The following SEPTIN10 variants were observed in gnomAD, a reference collection of about 807,000 sequenced individuals.
SEPTIN10 encodes septin-10.
SEPTIN10 carries 66 observed loss-of-function variants against 54.8 expected under a neutral mutation model. The ratio of observed to expected loss-of-function variants is 1.21; its 90% CI spans 0.99 to 1.48. SEPTIN10 has a LOEUF of 1.48. SEPTIN10 is among the 40% of genes most tolerant of loss of function. The pLI, the probability that SEPTIN10 is intolerant of heterozygous loss-of-function variation, is 0.00. For synonymous variants in SEPTIN10, 161 were observed against 181.0 expected, an observed-to-expected ratio of 0.89 and a Z score of 0.89; for missense variants, 620 against 545.6, an observed-to-expected ratio of 1.14 and a Z score of -1.36.
intron 10 of SEPTIN10, chr2:109,545,846 T>G: frequency 7.0e-7 from 1 of 1,437,748 alleles, no homozygotes; most frequent in Non-Finnish European, 9.1e-7. Context: ...ACTGAACACA[T>G]AACATGTGCC....
At chr2:109,610,169 A>C (rs1289791221) in intron 1 of SEPTIN10, among the ~76,000 whole-genome samples, 4 of 151,552 alleles carry the variant, frequency 2.6e-5, no homozygotes, top group African/African-American at 9.7e-5. Context: ...GCTTACTGCA[A>C]CCTCCACCTC....
intron 2 of SEPTIN10, among the ~76,000 whole-genome samples, chr2:109,589,290 T>C (rs975576318): frequency 6.6e-6 from 1 of 152,072 alleles, no homozygotes; most frequent in South Asian, 2.1e-4. Flanking sequence ...CTCAGCACTT[T>C]AGGAGGCCAA....
chr2:109,574,681 T>C lies in SEPTIN10; in HGVS notation c.500A>G (p.Tyr167Cys), dbSNP rs774411951. The C allele has an allele frequency of 6.0e-5, 96 of 1,610,146 alleles. 1 individual carries two copies. The highest frequency in any genetic ancestry group is 7.0e-5 in the Non-Finnish European group (82 of 1,178,240). The change falls in exon 5 of 11, where the codon TAC (tyrosine) becomes TGC (cysteine). Residue 167 changes from tyrosine (Y) to cysteine (C), a missense_variant. By Grantham distance (194) the Tyr-to-Cys change is radical. Coordinates refer to ENST00000397712, the MANE Select transcript of SEPTIN10 (RefSeq NM_144710.5). The part of the protein sequence containing the change: ...ELKIKRSLFT[Y>C]HDSRIHVCLY... The stretch of plus-strand genomic sequence containing the variant: ...ACACACATGGATGCGAGAATCATGG[T>C]AGGTAAAGAGAGAACGCTTAATCTT...
chr2:109,567,687 T>C (rs1340691792), intron 6 of SEPTIN10, 128 bp downstream of exon 6: 3 of 964,284 alleles, frequency 3.1e-6, no homozygotes, highest in Non-Finnish European at 2.9e-6. Context: ...CTGGACTTTT[T>C]GAAAATTCAC....
chr2:109,611,191 A>G (rs1699180745), intron 1 of SEPTIN10, among the ~76,000 whole-genome samples: 1 of 152,214 alleles, frequency 6.6e-6, no homozygotes, highest in African/African-American at 2.4e-5. Context: ...TTAACTCAAA[A>G]TGGGTCATAA....
intron 4 of SEPTIN10, among the ~76,000 whole-genome samples, chr2:109,579,385 CT>C (rs150577425): frequency 3.7e-3 from 521 of 139,256 alleles, no homozygotes; most frequent in African/African-American, 6.0e-3. Context: ...CCAGGCCCTC[CT>C]TTTTTTTTTT....
At chr2:109,587,004 A>C (rs1692723397) in intron 2 of SEPTIN10, among the ~76,000 whole-genome samples, 2 of 152,236 alleles carry the variant, frequency 1.3e-5, no homozygotes, top group African/African-American at 4.8e-5. Context: ...ACAGGAAAAA[A>C]ACAGAAAAAT....
Position 109,613,960 on chromosome 2 carries a change from G to A in SEPTIN10, c.-133C>T, listed in dbSNP as rs965521450. 3.0e-5 allele frequency: 36 copies of A among 1,208,462 alleles called. No individual in the cohort carries two copies. The highest frequency in any genetic ancestry group is 7.9e-5 in the African/African-American group (5 of 63,270). 74.9% of individuals were successfully genotyped at this position (1,208,462 alleles called of 1,614,324 possible). ...CGAGGCTAGGCTGCCTCCGCGACGG[G>A]GAAGGGACAGGGGCGGGGCCGAGCT... On this transcript the variant is annotated 5_prime_UTR_variant, in exon 1 of 11. Transcript: ENST00000397712.
chr2:109,579,846 C>T (rs925575537), intron 4 of SEPTIN10, among the ~76,000 whole-genome samples: 8 of 151,854 alleles, frequency 5.3e-5, no homozygotes, highest in African/African-American at 1.9e-4. Flanking sequence ...AAAGGCCAGG[C>T]GCAGTGGCTC....
chr2:109,584,565 A>G (rs767312590), intron 4 of SEPTIN10, among the ~76,000 whole-genome samples: 4 of 151,934 alleles, frequency 2.6e-5, no homozygotes, highest in Admixed American at 6.6e-5. Context: ...TCCCCCTTTC[A>G]TAGTTTAAAT....
chr2:109,593,166 C>T, intron 1 of SEPTIN10, 47 bp from the exon 2 acceptor site: 1 of 1,258,068 alleles, frequency 7.9e-7, no homozygotes, highest in Non-Finnish European at 1.1e-6. Flanking sequence ...AACATTACTC[C>T]CCAAACCCCA....
Position 109,574,704 on chromosome 2 carries a change from C to G in SEPTIN10, c.477G>C (p.Lys159Asn). 6.2e-7 allele frequency: 1 copy of G among 1,606,998 alleles called. No individual in the cohort carries two copies. Among genetic ancestry groups the G allele is most frequent in the Non-Finnish European group, 8.5e-7 (1 of 1,176,740 alleles). Residue 159 changes from lysine (K) to asparagine (N), a missense_variant, in exon 5 of 11, where the codon AAG becomes AAC. Coordinates refer to ENST00000397712, the MANE Select transcript of SEPTIN10 (RefSeq NM_144710.5). The stretch of plus-strand genomic sequence containing the variant: ...GGTAGGTAAAGAGAGAACGCTTAAT[C>G]TTCAGTTCTTCTTGGAGATAGGCCT... Reference protein sequence around the residue: ...QFEAYLQEELKIKRSLFTYHD... With the variant: ...QFEAYLQEELNIKRSLFTYHD...
At chr2:109,561,991 C>A (rs896779139) in intron 8 of SEPTIN10, among the ~76,000 whole-genome samples, 5 of 133,756 alleles carry the variant, frequency 3.7e-5, no homozygotes, top group African/African-American at 1.3e-4. Context: ...GAATTCCTGA[C>A]CCCAAGGCCA....
At chr2:109,573,498 A>G (rs1688855624) in intron 5 of SEPTIN10, among the ~76,000 whole-genome samples, 1 of 152,230 alleles carries the variant, frequency 6.6e-6, no homozygotes, top group Admixed American at 6.5e-5. Context: ...TATAAGCTAC[A>G]TCAATTTTTG....
At chr2:109,557,717 G>C (rs369688947) in intron 8 of SEPTIN10, among the ~76,000 whole-genome samples, 1 of 152,038 alleles carries the variant, frequency 6.6e-6, no homozygotes, top group African/African-American at 2.4e-5. Context: ...GAAAGAGAAT[G>C]GTCTATAAAG....
At chr2:109,556,273 G>A (rs1339903387) in intron 8 of SEPTIN10, among the ~76,000 whole-genome samples, 1 of 152,114 alleles carries the variant, frequency 6.6e-6, no homozygotes, top group African/African-American at 2.4e-5. Flanking sequence ...ATATCCCAAA[G>A]GTTTGACAGA....
chr2:109,575,901 C>T (rs1239901615), intron 4 of SEPTIN10, among the ~76,000 whole-genome samples: 1 of 152,146 alleles, frequency 6.6e-6, no homozygotes, highest in African/African-American at 2.4e-5. Flanking sequence ...ATTGTTCTCC[C>T]TATGCAAATG....
At chr2:109,564,892 T>C (rs1406316764) in intron 7 of SEPTIN10, among the ~76,000 whole-genome samples, 1 of 152,224 alleles carries the variant, frequency 6.6e-6, no homozygotes, top group Non-Finnish European at 1.5e-5. Flanking sequence ...TTTCACATAA[T>C]GTTTAAAGAG....
At chr2:109,569,042 C>G (rs1687741337) in intron 5 of SEPTIN10, among the ~76,000 whole-genome samples, 1 of 152,110 alleles carries the variant, frequency 6.6e-6, no homozygotes, top group African/African-American at 2.4e-5. Flanking sequence ...ACTGGTGGTT[C>G]TTAAGTTTTT....
Sources: gnomAD v4.1 joint callset for allele counts (sites outside exome capture counted in the v4.1 genomes callset) on GRCh38, gnomAD v4.1.1 for gene constraint, MANE v1.5 for transcripts, NCBI Gene and HGNC (gene_info 2026-07-23, HGNC 2026-07-21) for gene names.